The following GC variants were observed in gnomAD, a reference collection of about 807,000 sequenced individuals.
GC encodes the protein vitamin D-binding protein.
In GC, 43 loss-of-function variants were observed where a neutral mutation model predicts 56.7. That is an observed-to-expected ratio of 0.76 (90% CI 0.59 to 0.98). GC has a LOEUF of 0.98. Ranked by LOEUF, GC falls within the 50% of genes least tolerant of loss-of-function variation. GC has a pLI of 0.00. For missense variants in GC, 529 were observed against 545.9 expected, an observed-to-expected ratio of 0.97 and a Z score of 0.31; for synonymous variants, 216 against 202.7, an observed-to-expected ratio of 1.07 and a Z score of -0.56.
At chr4:71,744,699 C>T (rs1205347719) in intron 12 of GC, among the ~76,000 whole-genome samples, 1 of 151,946 alleles carries the variant, frequency 6.6e-6, no homozygotes, top group Non-Finnish European at 1.5e-5. Flanking sequence ...TCCAAATAAC[C>T]CTGACTCTTA....
intron 1 of GC, among the ~76,000 whole-genome samples, chr4:71,779,332 T>C (rs1300115431): frequency 6.6e-6 from 1 of 151,796 alleles, no homozygotes; most frequent in Non-Finnish European, 1.5e-5. Flanking sequence ...GGATAGAAGA[T>C]AATGGACTGG....
At chr4:71,749,434 A>G (rs1741476909) in intron 11 of GC, among the ~76,000 whole-genome samples, 1 of 152,210 alleles carries the variant, frequency 6.6e-6, no homozygotes, top group Non-Finnish European at 1.5e-5. Flanking sequence ...GACAGTGCAT[A>G]TCTGTATAGA....
rs577489849 is a variant in GC, at chr4:71,748,384, G to A, written c.1396-2179C>T. ...CTACTTGTCAGTCTCCTCTTTGCCCGGCTTCCACTTGGCTATTTGTATTTG... is the reference window on the plus strand; with the variant it reads ...CTACTTGTCAGTCTCCTCTTTGCCCAGCTTCCACTTGGCTATTTGTATTTG... On this transcript the variant is annotated intron_variant, in intron 11 of 12. Coordinates refer to ENST00000273951, the MANE Select transcript of GC (RefSeq NM_000583.4). Among the ~76,000 whole-genome samples, 123 of 151,938 alleles carry A rather than the reference G, an allele frequency of 8.1e-4. No individual in the cohort carries two copies. The Middle Eastern group carries it at 0.014, about 17-fold the overall frequency.
chr4:71,752,797 TATAGA>T (rs1245303705), intron 10 of GC, 147 bp from the exon 11 acceptor site: 2 of 662,896 alleles, frequency 3.0e-6, no homozygotes, highest in Non-Finnish European at 5.1e-6. Flanking sequence ...ATACCTGTGG[TATAGA>T]ATAGTCAATT....
At chr4:71,798,669 T>C (rs1393078402) in intron 1 of GC, among the ~76,000 whole-genome samples, 8 of 152,278 alleles carry the variant, frequency 5.3e-5, no homozygotes, top group Admixed American at 4.6e-4. Context: ...TTTATAAGAG[T>C]GAGTCTACAA....
At chr4:71,782,575 T>C (rs750232652) in intron 1 of GC, among the ~76,000 whole-genome samples, 3 of 151,854 alleles carry the variant, frequency 2.0e-5, no homozygotes, top group Non-Finnish European at 4.4e-5. Flanking sequence ...TGTTGAAATA[T>C]AGATTGCAGA....
In GC at chr4:71,765,435, T is replaced by C. The variant is rs768192436; in HGVS notation, c.470A>G (p.Asn157Ser). The change falls in exon 4 of 13, where the codon AAT (asparagine) becomes AGT (serine). Residue 157 changes from asparagine (N) to serine (S), a missense_variant. Transcript: ENST00000273951. ...TATTTATGATGAAGGCACTCACTGA[T>C]TAGCATATTCCTTTGGATCTTTCCT... ...AFRKDPKEYA[N>S]QFMWEYSTNY... is the part of the protein sequence containing the mutation. The C allele has an allele frequency of 6.2e-7, 1 of 1,611,550 alleles. No homozygotes were observed. The highest frequency in any genetic ancestry group is 1.1e-5 in the South Asian group (1 of 90,998).
At chr4:71,768,518 G>A in intron 2 of GC, 85 bp from the exon 3 acceptor site, 1 of 1,212,052 alleles carries the variant, frequency 8.3e-7, no homozygotes, top group Non-Finnish European at 1.2e-6. Flanking sequence ...ACCCAGGCTG[G>A]AGTGCAGTGG....
chr4:71,775,029 G>GC lies in GC; in HGVS notation c.59-5630dup, dbSNP rs533230812. On this transcript the variant is annotated intron_variant, in intron 1 of 12. Transcript: ENST00000273951. ...TTCTTATTCTTCATTTTCTTCCCCG[G>GC]CCCTTTTTTTTTTTTTTTTTAAATG... Among the ~76,000 whole-genome samples, 443 of 69,332 alleles carry GC rather than the reference G, an allele frequency of 6.4e-3. 1 individual carries two copies. The highest frequency in any genetic ancestry group is 0.028 in the Middle Eastern group (3 of 108). The allele number at this position is 69,332 out of a possible 152,430, so 45.5% of individuals were successfully genotyped here.
intron 1 of GC, 89 bp downstream of exon 1, chr4:71,783,872 T>G (rs1742762961): frequency 4.0e-6 from 4 of 988,918 alleles, no homozygotes; most frequent in Non-Finnish European, 5.8e-6. Flanking sequence ...GTTCTTCTGT[T>G]TCTTACTTTT....
intron 1 of GC, among the ~76,000 whole-genome samples, chr4:71,789,578 G>C (rs72607830): frequency 0.086 from 13,041 of 151,910 alleles, 644 homozygotes; most frequent in East Asian, 0.22. Flanking sequence ...AATTTTCTCA[G>C]TTTTCAGGAA....
chr4:71,765,893 G>T (rs770708917), intron 3 of GC, among the ~76,000 whole-genome samples: 4 of 152,076 alleles, frequency 2.6e-5, no homozygotes, highest in Non-Finnish European at 5.9e-5. Context: ...ATAACAAATG[G>T]ACAGTGTTTA....
At chr4:71,791,345 T>A (rs75336555) in intron 1 of GC, among the ~76,000 whole-genome samples, 8,089 of 152,160 alleles carry the variant, frequency 0.053, 479 homozygotes, top group African/African-American at 0.14. Flanking sequence ...ATTCTTTTCA[T>A]TGCTGTCCTG....
intron 11 of GC, among the ~76,000 whole-genome samples, chr4:71,749,777 T>C (rs1438267223): frequency 6.6e-6 from 1 of 152,238 alleles, no homozygotes; most frequent in Non-Finnish European, 1.5e-5. Flanking sequence ...GTAGTTTGAA[T>C]TTTAATGAAA....
upstream of GC, among the ~76,000 whole-genome samples, chr4:71,804,631 G>T (rs1300013880): frequency 6.6e-6 from 1 of 151,960 alleles, no homozygotes; most frequent in Non-Finnish European, 1.5e-5. Context: ...ATCTGCTATG[G>T]CCTCAATTAA....
chr4:71,780,393 TTAAAC>T (rs1389561069), intron 1 of GC, among the ~76,000 whole-genome samples: 1 of 152,016 alleles, frequency 6.6e-6, no homozygotes, highest in Non-Finnish European at 1.5e-5. Flanking sequence ...TGGGATCTAA[TTAAAC>T]TAAAAAGCTT....
chr4:71,797,644 G>A (rs371953484), intron 1 of GC, among the ~76,000 whole-genome samples: 300 of 152,272 alleles, frequency 2.0e-3, no homozygotes, highest in African/African-American at 6.4e-3. Flanking sequence ...GTGATGCCCC[G>A]CCCTGCTTTG....
intron 6 of GC, among the ~76,000 whole-genome samples, chr4:71,760,751 A>G (rs1304231565): frequency 1.3e-5 from 2 of 152,124 alleles, no homozygotes; most frequent in African/African-American, 4.8e-5. Context: ...GTGACAGTGA[A>G]TGAGTCTCAC....
Position 71,784,027 on chromosome 4 carries a change from CAG to C in GC, c.-11_-10del, listed in dbSNP as rs753317057. On this transcript the variant is annotated 5_prime_UTR_variant, in exon 1 of 13. Transcript: ENST00000273951. ...ACCAGGACCCTCTTCATTTTTCTAC[CAG>C]AGAGTCTTGCAGCACCTCCTCTCTC... The C allele has an allele frequency of 8.7e-6, 14 of 1,602,984 alleles. No individual in the cohort carries two copies. Among genetic ancestry groups the C allele is most frequent in the Middle Eastern group, 1.7e-4 (1 of 6,028 alleles).
Sources: allele counts gnomAD v4.1 joint callset (sites outside exome capture counted in the v4.1 genomes callset), GRCh38; gene constraint gnomAD v4.1.1; transcripts MANE v1.5; gene names NCBI Gene and HGNC (gene_info 2026-07-23, HGNC 2026-07-21).